Variants in SWT1 observed in about 807,000 individuals in gnomAD.
SWT1 encodes the protein transcriptional protein SWT1.
In SWT1, 33 loss-of-function variants were observed where a neutral mutation model predicts 107.3. That is an observed-to-expected ratio of 0.31 (90% CI 0.23 to 0.41). SWT1 has a LOEUF of 0.41. Ranked by LOEUF, SWT1 falls within the 10% of genes least tolerant of loss-of-function variation. SWT1 has a pLI of 1.00. For missense variants in SWT1, 898 were observed against 1,028.9 expected (o/e 0.87, Z 1.74); for synonymous variants, 345 against 348.3 (o/e 0.99, Z 0.11).
chr1:185,169,954 C>T (rs993182585), intron 4 of SWT1, among the ~76,000 whole-genome samples: 2 of 152,088 alleles, frequency 1.3e-5, no homozygotes, highest in African/African-American at 4.8e-5. Context: ...AAGAAACTGC[C>T]TTCTCTGAAG....
intron 16 of SWT1, among the ~76,000 whole-genome samples, chr1:185,253,894 A>G (rs201999417): frequency 0.32 from 48,555 of 150,962 alleles, 8,066 homozygotes; most frequent in Non-Finnish European, 0.36. Flanking sequence ...TTGTCCATTC[A>G]GTATGATATT....
intron 15 of SWT1, among the ~76,000 whole-genome samples, 179 bp downstream of exon 15, chr1:185,222,215 A>T (rs761929774): frequency 1.3e-5 from 2 of 152,140 alleles, no homozygotes; most frequent in Non-Finnish European, 2.9e-5. Context: ...TTAAGTGAAA[A>T]AAAAAAGCTT....
At chr1:185,265,010 A>G (rs1404768415) in intron 16 of SWT1, among the ~76,000 whole-genome samples, 1 of 152,200 alleles carries the variant, frequency 6.6e-6, no homozygotes, top group African/African-American at 2.4e-5. Flanking sequence ...CATAGTCATT[A>G]AAATTACCTA....
chr1:185,227,186 C>T, intron 15 of SWT1: 1 of 912,970 alleles, frequency 1.1e-6, no homozygotes, highest in Non-Finnish European at 1.8e-6. Context: ...GAGGGATAGA[C>T]AAGCATCCAT....
chr1:185,284,621 C>A (rs1664839248), intron 18 of SWT1, among the ~76,000 whole-genome samples: 1 of 152,148 alleles, frequency 6.6e-6, no homozygotes, highest in South Asian at 2.1e-4. Context: ...TGGGCTAATA[C>A]AAAGTTATTT....
chr1:185,191,942 C>A (rs1361391777), intron 10 of SWT1, among the ~76,000 whole-genome samples: 1 of 151,944 alleles, frequency 6.6e-6, no homozygotes, highest in African/African-American at 2.4e-5. Context: ...AAGTGGTGAG[C>A]CTGTTTTTCT....
At chr1:185,235,009 C>G (rs1009216936) in intron 16 of SWT1, among the ~76,000 whole-genome samples, 8 of 152,098 alleles carry the variant, frequency 5.3e-5, no homozygotes, top group Non-Finnish European at 1.2e-4. Context: ...AAGACCAAAC[C>G]AGGAAGAAGT....
chr1:185,244,631 ATAGAC>A (rs1553262465), intron 16 of SWT1, among the ~76,000 whole-genome samples: 1 of 152,204 alleles, frequency 6.6e-6, no homozygotes, highest in Non-Finnish European at 1.5e-5. Context: ...TGACACTACT[ATAGAC>A]TATAAGCACT....
chr1:185,186,544 T>A (rs1656479289), intron 9 of SWT1, among the ~76,000 whole-genome samples: 3 of 152,074 alleles, frequency 2.0e-5, no homozygotes, highest in Admixed American at 2.0e-4. Flanking sequence ...TACATTGCTA[T>A]AGCCACAGGA....
chr1:185,193,549 C>G (rs1657131376), intron 10 of SWT1, among the ~76,000 whole-genome samples: 2 of 151,906 alleles, frequency 1.3e-5, no homozygotes, highest in Admixed American at 1.3e-4. Context: ...TCACTGCAGC[C>G]TCTGCCTCCC....
At chr1:185,253,401 C>T (rs1419234390) in intron 16 of SWT1, among the ~76,000 whole-genome samples, 16 of 148,098 alleles carry the variant, frequency 1.1e-4, no homozygotes, top group Admixed American at 2.7e-4. Context: ...AATATTGATT[C>T]TTCCTATCCA....
intron 18 of SWT1, chr1:185,281,582 G>C: frequency 4.3e-6 from 1 of 232,700 alleles, no homozygotes; most frequent in Admixed American, 4.9e-5. Flanking sequence ...CAGCCCTGAT[G>C]AGTTTGTCAA....
intron 5 of SWT1, chr1:185,177,062 G>C: frequency 2.0e-6 from 2 of 982,300 alleles, no homozygotes; most frequent in Non-Finnish European, 2.4e-6. Flanking sequence ...TAACTAAGGA[G>C]GCCAGAAGAG....
chr1:185,260,496 A>G (rs981908213), intron 16 of SWT1, among the ~76,000 whole-genome samples: 2 of 152,178 alleles, frequency 1.3e-5, no homozygotes, highest in African/African-American at 2.4e-5. Flanking sequence ...TAACATCATC[A>G]TGCTACTACT....
Position 185,229,773 on chromosome 1 carries a change from T to A in SWT1, c.2310-1804T>A, listed in dbSNP as rs574423596. On this transcript the variant is annotated intron_variant, in intron 15 of 18. Coordinates refer to ENST00000367500, the MANE Select transcript of SWT1 (RefSeq NM_017673.7). Reference sequence around the variant, plus strand: ...TCTTTTTACATTCTCTTTTTAGGCTTTAAATTAAGAAAATTTTTTTTAAAT... The same window carrying A: ...TCTTTTTACATTCTCTTTTTAGGCTATAAATTAAGAAAATTTTTTTTAAAT... 3.9e-5 allele frequency among the ~76,000 whole-genome samples: 6 copies of A among 152,272 alleles called. No individual in the cohort carries two copies. In the South Asian group the frequency reaches 1.2e-3, roughly 32 times the overall value.
At chr1:185,272,891 G>A (rs566819625) in intron 17 of SWT1, among the ~76,000 whole-genome samples, 9 of 151,878 alleles carry the variant, frequency 5.9e-5, no homozygotes, top group African/African-American at 1.9e-4. Context: ...AACAAAATTA[G>A]CCGGCATGGT....
At chr1:185,203,847 AT>A (rs1658091137) in intron 11 of SWT1, among the ~76,000 whole-genome samples, 1 of 152,146 alleles carries the variant, frequency 6.6e-6, no homozygotes, top group African/African-American at 2.4e-5. Flanking sequence ...TATACTACTT[AT>A]TTACCCTTTT....
At chr1:185,222,860 A>G (rs960689456) in intron 15 of SWT1, among the ~76,000 whole-genome samples, 10 of 152,164 alleles carry the variant, frequency 6.6e-5, no homozygotes, top group African/African-American at 2.4e-4. Flanking sequence ...CTACTATGCA[A>G]TAGAACACCA....
At chr1:185,237,269 G>T (rs1199435188) in intron 16 of SWT1, among the ~76,000 whole-genome samples, 1 of 152,084 alleles carries the variant, frequency 6.6e-6, no homozygotes, top group Non-Finnish European at 1.5e-5. Flanking sequence ...TATTGCAGCG[G>T]TGTTCACAAT....
Sources: gnomAD v4.1 joint callset for allele counts (sites outside exome capture counted in the v4.1 genomes callset) on GRCh38, gnomAD v4.1.1 for gene constraint, MANE v1.5 for transcripts, NCBI Gene and HGNC (gene_info 2026-07-23, HGNC 2026-07-21) for gene names.